The following TCF4 variants were observed in gnomAD, a reference collection of about 807,000 sequenced individuals.
The protein encoded by TCF4 is transcription factor 4, also known as SL3-3 enhancer factor 2.
A neutral mutation model predicts 82.1 loss-of-function variants in TCF4; 3 were observed. The observed-to-expected ratio is 0.04, with a 90% CI of 0.02 to 0.09. TCF4 has a LOEUF of 0.09. TCF4 is among the 10% of genes least tolerant of loss of function. TCF4 has a pLI of 1.00. For synonymous variants in TCF4, 276 were observed against 309.6 expected, an observed-to-expected ratio of 0.89 and a Z score of 1.14; for missense variants, 518 against 852.7, an observed-to-expected ratio of 0.61 and a Z score of 4.89.
At chr18:55,337,532 A>G (rs777564707) in intron 8 of TCF4, among the ~76,000 whole-genome samples, 13 of 152,210 alleles carry the variant, frequency 8.5e-5, no homozygotes, top group Admixed American at 4.6e-4. Context: ...TCTTCAAAGA[A>G]AATAATGTGG....
chr18:55,537,120 C>G (rs1421884698), intron 3 of TCF4, among the ~76,000 whole-genome samples: 1 of 128,600 alleles, frequency 7.8e-6, no homozygotes, highest in Non-Finnish European at 1.6e-5. Flanking sequence ...GGCAACAGAG[C>G]GAGACTCCGT....
chr18:55,307,423 G>C (rs868622250), intron 8 of TCF4, among the ~76,000 whole-genome samples: 10 of 152,320 alleles, frequency 6.6e-5, no homozygotes, highest in South Asian at 6.2e-4. Flanking sequence ...ATTGGCTGTT[G>C]TATCACTGAA....
chr18:55,567,060 C>T (rs1400082377), intron 3 of TCF4, among the ~76,000 whole-genome samples: 1 of 151,946 alleles, frequency 6.6e-6, no homozygotes, highest in African/African-American at 2.4e-5. Context: ...TAGAATAAAA[C>T]CATCAGAATA....
At chr18:55,300,751 C>A (rs1392911547) in intron 8 of TCF4, among the ~76,000 whole-genome samples, 1 of 151,932 alleles carries the variant, frequency 6.6e-6, no homozygotes, top group African/African-American at 2.4e-5. Flanking sequence ...CCTTCCAATC[C>A]CCTGCTTGGC....
intron 3 of TCF4, among the ~76,000 whole-genome samples, chr18:55,577,451 A>C (rs2097540690): frequency 6.6e-6 from 1 of 151,942 alleles, no homozygotes; most frequent in Non-Finnish European, 1.5e-5. Flanking sequence ...ATACTTTTCT[A>C]ACCATAATCA....
Position 55,351,634 on chromosome 18 carries a change from A to G in TCF4, c.370-631T>C, listed in dbSNP as rs138907991. Among the ~76,000 whole-genome samples, 31 of 152,290 alleles carry G rather than the reference A, an allele frequency of 2.0e-4. No individual in the cohort carries two copies. In the East Asian group the frequency reaches 5.2e-3, roughly 26 times the overall value. On this transcript the variant is annotated intron_variant, in intron 6 of 19. Coordinates refer to ENST00000354452, the MANE Select transcript of TCF4 (RefSeq NM_001083962.2). ...ACTTCAGAATGCCCTCTTGAGGTCT[A>G]TCGGAAGCTAAGACACATCCCACAG...
At chr18:55,278,863 G>A (rs749597616) in intron 9 of TCF4, among the ~76,000 whole-genome samples, 6 of 152,102 alleles carry the variant, frequency 3.9e-5, no homozygotes, top group Non-Finnish European at 5.9e-5. Context: ...CACCGCACTC[G>A]GCCACATCTT....
intron 2 of TCF4, among the ~76,000 whole-genome samples, chr18:55,616,494 T>C (rs761569795): frequency 6.6e-6 from 1 of 152,148 alleles, no homozygotes; most frequent in Non-Finnish European, 1.5e-5. Context: ...GTGGGATTAC[T>C]GGATCATATG....
chr18:55,531,044 C>G (rs1200376507), intron 3 of TCF4, among the ~76,000 whole-genome samples: 4 of 151,830 alleles, frequency 2.6e-5, no homozygotes, highest in Non-Finnish European at 4.4e-5. Flanking sequence ...TTCCGCCTCC[C>G]GGGTTCAAGC....
chr18:55,354,375 A>G (rs552449304), intron 6 of TCF4, among the ~76,000 whole-genome samples: 8 of 152,328 alleles, frequency 5.3e-5, no homozygotes, highest in African/African-American at 1.7e-4. Flanking sequence ...CATCAGATAT[A>G]GGTCTCAGAA....
intron 3 of TCF4, among the ~76,000 whole-genome samples, chr18:55,569,124 A>G (rs1247033081): frequency 6.6e-6 from 1 of 151,996 alleles, no homozygotes; most frequent in East Asian, 1.9e-4. Flanking sequence ...ATCACTATTC[A>G]TGGTGAAAAT....
chr18:55,584,531 G>A (rs190241139), intron 3 of TCF4, among the ~76,000 whole-genome samples: 23 of 151,996 alleles, frequency 1.5e-4, no homozygotes, highest in Admixed American at 6.5e-4. Context: ...AGAGATATTC[G>A]AATAGCCCTG....
intron 13 of TCF4, 76 bp downstream of exon 13, chr18:55,259,873 A>C: frequency 7.6e-7 from 1 of 1,307,972 alleles, no homozygotes; most frequent in Non-Finnish European, 1.1e-6. Context: ...GTTTCCACCT[A>C]CAAAATCAGG....
At chr18:55,424,212 TG>T (rs2094893119) in intron 5 of TCF4, among the ~76,000 whole-genome samples, 1 of 152,150 alleles carries the variant, frequency 6.6e-6, no homozygotes, top group African/African-American at 2.4e-5. Flanking sequence ...TAATTGGAAG[TG>T]GGTAGGAAGA....
rs1309408998 is a variant in TCF4, at chr18:55,322,423, A to AAG, written c.549+27934_549+27935dup. 734 of 876,414 alleles carry AAG rather than the reference A, an allele frequency of 8.4e-4. 1 individual carries two copies. Among genetic ancestry groups the AAG allele is most frequent in the Admixed American group, 4.2e-3 (61 of 14,588 alleles). 54.3% of individuals were successfully genotyped at this position (876,414 alleles called of 1,614,324 possible). On this transcript the variant is annotated intron_variant, in intron 8 of 19. Coordinates refer to ENST00000354452, the MANE Select transcript of TCF4 (RefSeq NM_001083962.2). ...GAGAAAGGGGAGGGAAAGGGGAGGG[A>AAG]AGAAAAAAAAAAAAAAAAAAAAAAA...
In TCF4 at chr18:55,314,307, T is replaced by C. The variant is rs570791543; in HGVS notation, c.550-34651A>G. Among the ~76,000 whole-genome samples, 3 of 152,164 alleles carry C rather than the reference T, an allele frequency of 2.0e-5. No homozygotes were observed. In the South Asian group the frequency reaches 6.2e-4, roughly 32 times the overall value. Reference sequence around the variant, plus strand: ...AACAGGTGCAGAAATAATAATGTGCTGGCCAATCAACTTTTTCCTCTGATT... The same window carrying C: ...AACAGGTGCAGAAATAATAATGTGCCGGCCAATCAACTTTTTCCTCTGATT... On this transcript the variant is annotated intron_variant, in intron 8 of 19. Transcript: ENST00000354452.
chr18:55,455,514 T>A, intron 5 of TCF4, among the ~76,000 whole-genome samples: 1 of 145,496 alleles, frequency 6.9e-6, no homozygotes. Flanking sequence ...AACATCAAGC[T>A]GAAAGGTGTT....
At chr18:55,569,203 C>T (rs1034466588) in intron 3 of TCF4, among the ~76,000 whole-genome samples, 5 of 105,770 alleles carry the variant, frequency 4.7e-5, no homozygotes, top group African/African-American at 1.9e-4. Flanking sequence ...ATATATAGCA[C>T]AGTAAAGACA....
Position 55,635,864 on chromosome 18 carries a change from C to T in TCF4, c.34G>A (p.Val12Met), listed in dbSNP as rs2097735897. ...AAGATGAAGGGAAAGAGGAGAGGCACCTGTGGTATTTTCTCCAGCCTTTTA... is the reference window on the plus strand; with the variant it reads ...AAGATGAAGGGAAAGAGGAGAGGCATCTGTGGTATTTTCTCCAGCCTTTTA... Residue 12 changes from valine to methionine, a missense_variant, in exon 1 of 21, where the codon GTG (valine) becomes ATG (methionine). Val to Met is a conservative substitution (Grantham distance 21). Transcript: ENST00000398339. 6 of 1,567,168 alleles carry T rather than the reference C, an allele frequency of 3.8e-6. No homozygotes were observed. In the East Asian group the frequency reaches 7.1e-5, roughly 19 times the overall value.
Sources: allele counts gnomAD v4.1 joint callset (sites outside exome capture counted in the v4.1 genomes callset), GRCh38; gene constraint gnomAD v4.1.1; transcripts MANE v1.5; gene names NCBI Gene and HGNC (gene_info 2026-07-23, HGNC 2026-07-21).